TRIP12: variants seen among roughly 807,000 people sequenced by gnomAD.
The protein encoded by TRIP12 is E3 ubiquitin-protein ligase TRIP12.
TRIP12 carries 25 observed loss-of-function variants against 244.2 expected under a neutral mutation model. That is an observed-to-expected ratio of 0.10 (90% CI 0.07 to 0.14). The LOEUF is 0.14. Ranked by LOEUF, TRIP12 falls within the 10% of genes least tolerant of loss-of-function variation. TRIP12 has a pLI of 1.00. For synonymous variants in TRIP12, 905 were observed against 873.1 expected (o/e 1.04, Z -0.64); for missense variants, 1,677 against 2,486.4 (o/e 0.67, Z 6.92).
intron 16 of TRIP12, 126 bp from the exon 17 acceptor site, chr2:229,807,990 G>C: frequency 9.6e-7 from 1 of 1,043,588 alleles, no homozygotes; most frequent in East Asian, 2.6e-5. Flanking sequence ...TTTGGAGACA[G>C]AGTCTCACTC....
chr2:229,862,366 A>C (rs1027333796), intron 2 of TRIP12, among the ~76,000 whole-genome samples: 5 of 152,318 alleles, frequency 3.3e-5, no homozygotes, highest in Admixed American at 3.3e-4. Context: ...AAATCATTCC[A>C]TAGTTATTCT....
At chr2:229,892,774 G>A (rs1045741562) in intron 1 of TRIP12, among the ~76,000 whole-genome samples, 9 of 152,136 alleles carry the variant, frequency 5.9e-5, no homozygotes, top group Non-Finnish European at 1.3e-4. Context: ...GCTGAGGTGG[G>A]AGGATTGCTT....
At chr2:229,808,399 G>A (rs771307753) in intron 15 of TRIP12, 30 bp from the exon 16 acceptor site, 1 of 1,478,096 alleles carries the variant, frequency 6.8e-7, no homozygotes, top group East Asian at 2.3e-5. Flanking sequence ...AAAACAAAAG[G>A]CTATTAAACT....
At chr2:229,792,905 G>T in intron 27 of TRIP12, 68 bp downstream of exon 27, 1 of 1,474,372 alleles carries the variant, frequency 6.8e-7, no homozygotes, top group African/African-American at 1.4e-5. Flanking sequence ...AATAATGTAT[G>T]TAACTCTTAA....
At chr2:229,837,096 CT>C in intron 5 of TRIP12, 112 bp from the exon 6 acceptor site, 2 of 1,172,172 alleles carry the variant, frequency 1.7e-6, no homozygotes, top group Non-Finnish European at 1.1e-6. Flanking sequence ...TCTTCGTCCT[CT>C]TTTTAAATAA....
At chr2:229,807,673 A>G (rs951236991) in intron 17 of TRIP12, 35 bp downstream of exon 17, 1 of 1,613,624 alleles carries the variant, frequency 6.2e-7, no homozygotes, top group Non-Finnish European at 8.5e-7. Context: ...CTCCAACAAA[A>G]TAGACACATT....
At chr2:229,874,036 TTAAAA>T (rs143918601) in intron 2 of TRIP12, among the ~76,000 whole-genome samples, 17,085 of 151,070 alleles carry the variant, frequency 0.11, 1,132 homozygotes, top group Admixed American at 0.18. Context: ...GTTGTAGAAA[TTAAAA>T]TAAACCATAA....
At chr2:229,836,774 A>G (rs1213762122) in intron 6 of TRIP12, 74 bp downstream of exon 6, 2 of 1,487,686 alleles carry the variant, frequency 1.3e-6, no homozygotes, top group African/African-American at 1.5e-5. Context: ...AACACCTAGC[A>G]TACTTCCCTC....
chr2:229,863,088 G>A (rs1370339000), intron 2 of TRIP12, among the ~76,000 whole-genome samples: 1 of 152,052 alleles, frequency 6.6e-6, no homozygotes, highest in African/African-American at 2.4e-5. Flanking sequence ...AATGAGCCGG[G>A]CATGGTGGCG....
At chr2:229,840,462 G>A (rs1575780681) in intron 5 of TRIP12, among the ~76,000 whole-genome samples, 2 of 152,154 alleles carry the variant, frequency 1.3e-5, no homozygotes, top group Non-Finnish European at 2.9e-5. Context: ...AGCACTGTGA[G>A]AGGCTGAGGA....
In TRIP12 at chr2:229,804,076, A is replaced by G; in HGVS notation, c.2802T>C (p.Leu934=). The G allele has an allele frequency of 1.2e-6, 2 of 1,614,172 alleles. No individual in the cohort carries two copies. Among genetic ancestry groups the G allele is most frequent in the Non-Finnish European group, 1.7e-6 (2 of 1,180,008 alleles). Residue 934 remains leucine, a synonymous_variant, in exon 19 of 42, where the codon CTT becomes CTC. Transcript: ENST00000675903. ...AATAAATTATCCTAAGAATTGCTCT[A>G]AGGCACTTATGTCTGACCGCAGGTC... The part of the protein sequence containing the change: ...SAGPAVRHKC[L]RAILRIIYFA...
intron 2 of TRIP12, among the ~76,000 whole-genome samples, chr2:229,876,911 G>A (rs1157614904): frequency 1.3e-5 from 2 of 151,990 alleles, no homozygotes; most frequent in Non-Finnish European, 2.9e-5. Context: ...GCCCAGGCTG[G>A]TCTCGAACTC....
Position 229,859,004 on chromosome 2 carries a change from T to C in TRIP12, c.795A>G (p.Lys265=), listed in dbSNP as rs761065210. The C allele has an allele frequency of 2.5e-6, 4 of 1,614,052 alleles. No homozygotes were observed. The highest frequency in any genetic ancestry group is 1.3e-5 in the African/African-American group (1 of 74,910). ...SSTVPPGARV[K]QGKDQNKARR... is the part of the protein sequence containing the mutation. Reference sequence around the variant, plus strand: ...TGGCCTTGTTCTGATCTTTTCCTTGTTTCACTCTGGCACCTGGTGGTACAG... The same window carrying C: ...TGGCCTTGTTCTGATCTTTTCCTTGCTTCACTCTGGCACCTGGTGGTACAG... The change falls in exon 4 of 42, where the codon AAA becomes AAG. Residue 265 remains lysine (K), a synonymous_variant. Coordinates refer to ENST00000675903, the MANE Select transcript of TRIP12 (RefSeq NM_001348323.3).
At chr2:229,907,216 T>C (rs1370432306) in intron 1 of TRIP12, among the ~76,000 whole-genome samples, 1 of 152,202 alleles carries the variant, frequency 6.6e-6, no homozygotes, top group Non-Finnish European at 1.5e-5. Flanking sequence ...AAACAAATAC[T>C]ATTTGATCAC....
intron 30 of TRIP12, among the ~76,000 whole-genome samples, chr2:229,790,188 T>C (rs1483262340): frequency 6.6e-6 from 1 of 152,228 alleles, no homozygotes; most frequent in Non-Finnish European, 1.5e-5. Context: ...GACTTGGTTA[T>C]TTAATGCAAG....
intron 6 of TRIP12, among the ~76,000 whole-genome samples, chr2:229,833,179 A>G (rs1174589356): frequency 1.3e-5 from 2 of 152,234 alleles, no homozygotes; most frequent in Admixed American, 1.3e-4. Context: ...GCACTGCCAC[A>G]AAGACATCAA....
At chr2:229,876,616 T>A (rs1354826080) in intron 2 of TRIP12, among the ~76,000 whole-genome samples, 1 of 152,206 alleles carries the variant, frequency 6.6e-6, no homozygotes, top group Non-Finnish European at 1.5e-5. Context: ...CACATCTTAA[T>A]CGCTAGTATT....
chr2:229,802,488 C>T (rs1419208871), intron 20 of TRIP12, 29 bp from the exon 21 acceptor site: 1 of 1,558,276 alleles, frequency 6.4e-7, no homozygotes. Context: ...GAAAGGGAGT[C>T]AGTTTTAATC....
chr2:229,896,816 A>C (rs2068970491), intron 1 of TRIP12, among the ~76,000 whole-genome samples: 1 of 152,226 alleles, frequency 6.6e-6, no homozygotes, highest in African/African-American at 2.4e-5. Flanking sequence ...GTGTATCTAA[A>C]AAAGACTTTA....
Sources: gnomAD v4.1 joint callset for allele counts (sites outside exome capture counted in the v4.1 genomes callset) on GRCh38, gnomAD v4.1.1 for gene constraint, MANE v1.5 for transcripts, NCBI Gene and HGNC (gene_info 2026-07-23, HGNC 2026-07-21) for gene names.